FKBP1B: variants seen among roughly 807,000 people sequenced by gnomAD.
The protein encoded by FKBP1B is FKBP prolyl isomerase 1B.
A neutral mutation model predicts 13.5 loss-of-function variants in FKBP1B; 4 were observed. The observed-to-expected ratio is 0.30, with a 90% CI of 0.15 to 0.68. The LOEUF (loss-of-function observed/expected upper bound fraction) is 0.68. FKBP1B is among the 30% of genes least tolerant of loss of function. FKBP1B has a pLI of 0.76. For missense variants in FKBP1B, 93 were observed against 136.2 expected (o/e 0.68, Z 1.58); for synonymous variants, 54 against 53.6 (o/e 1.01, Z -0.03).
At chr2:24,039,063 A>G in the FKBP1B span, 1 of 1,614,106 alleles carries the variant, frequency 6.2e-7, no homozygotes, top group Admixed American at 1.7e-5. Flanking sequence ...GGGAATCATC[A>G]GAGTGAACAT....
intron 2 of FKBP1B, among the ~76,000 whole-genome samples, chr2:24,056,686 G>T (rs924158869): frequency 6.6e-6 from 1 of 151,984 alleles, no homozygotes; most frequent in Non-Finnish European, 1.5e-5. Context: ...AAATTAGGTT[G>T]TCTTTTTCTT....
At chr2:24,055,915 A>G (rs1326613253) in intron 2 of FKBP1B, among the ~76,000 whole-genome samples, 2 of 151,876 alleles carry the variant, frequency 1.3e-5, no homozygotes, top group African/African-American at 4.8e-5. Context: ...GCCAGTTTCC[A>G]CTCTAGGCAG....
intron 1 of FKBP1B, 50 bp from the exon 2 acceptor site, chr2:24,053,852 G>A (rs1159563052): frequency 5.8e-6 from 9 of 1,548,468 alleles, no homozygotes; most frequent in Non-Finnish European, 7.1e-6. Flanking sequence ...AATGTCCCAG[G>A]TGTTTTTCCA....
the FKBP1B span, chr2:24,038,215 A>T: frequency 5.4e-5 from 87 of 1,614,052 alleles, no homozygotes; most frequent in Non-Finnish European, 7.0e-5. Context: ...TTCTCTAACA[A>T]TCAAGCTAAT....
intron 3 of FKBP1B, among the ~76,000 whole-genome samples, chr2:24,061,432 C>T (rs574309703): frequency 1.3e-5 from 2 of 152,136 alleles, no homozygotes; most frequent in Admixed American, 6.5e-5. Flanking sequence ...CCAGCCCAGG[C>T]GATGGAGTGA....
chr2:24,044,817 TA>T (rs747340836), upstream of FKBP1B, among the ~76,000 whole-genome samples: 1,278 of 103,912 alleles, frequency 0.012, 31 homozygotes, highest in East Asian at 0.16. Flanking sequence ...GAATTATCTT[TA>T]AAAAAAAAAA....
At chr2:24,038,734 A>G in the FKBP1B span, 15 of 1,614,116 alleles carry the variant, frequency 9.3e-6, no homozygotes, top group African/African-American at 1.2e-4. Flanking sequence ...TACTTCACCA[A>G]TAACTGGTAA....
chr2:24,040,420 T>G, the FKBP1B span, among the ~76,000 whole-genome samples: 4 of 152,356 alleles, frequency 2.6e-5, no homozygotes, highest in Middle Eastern at 3.4e-3. Flanking sequence ...TATTCGTCCT[T>G]TCACTGCCAA....
upstream of FKBP1B, among the ~76,000 whole-genome samples, chr2:24,048,119 C>T (rs1208036435): frequency 6.6e-6 from 1 of 152,146 alleles, no homozygotes; most frequent in Non-Finnish European, 1.5e-5. Context: ...GCCTATCTTC[C>T]AGTGCCACTC....
chr2:24,037,069 C>T, the FKBP1B span, among the ~76,000 whole-genome samples: 1 of 152,336 alleles, frequency 6.6e-6, no homozygotes, highest in East Asian at 1.9e-4. Context: ...GCCCTGTTGC[C>T]CAGGCTGGAG....
upstream of FKBP1B, among the ~76,000 whole-genome samples, chr2:24,048,553 A>T (rs1663708446): frequency 6.6e-6 from 1 of 151,770 alleles, no homozygotes; most frequent in African/African-American, 2.4e-5. Context: ...TCTAGGCTCA[A>T]GCAATCCTCC....
the FKBP1B span, chr2:24,037,619 T>C: frequency 6.7e-7 from 1 of 1,492,394 alleles, no homozygotes; most frequent in South Asian, 1.3e-5. Flanking sequence ...TTTCTTGCAG[T>C]ACTCACCGGC....
chr2:24,034,224 C>T, the FKBP1B span, among the ~76,000 whole-genome samples: 1 of 152,154 alleles, frequency 6.6e-6, no homozygotes, highest in Non-Finnish European at 1.5e-5. Flanking sequence ...AGTTCGAGAC[C>T]AGCCTGGCCA....
intron 1 of FKBP1B, among the ~76,000 whole-genome samples, chr2:24,051,347 A>C (rs1663860355): frequency 7.5e-6 from 1 of 133,578 alleles, no homozygotes; most frequent in African/African-American, 2.7e-5. Context: ...AAAAAAAAAG[A>C]AAAAAAATGC....
chr2:24,059,351 C>T (rs1019489592), intron 2 of FKBP1B, among the ~76,000 whole-genome samples: 1 of 147,116 alleles, frequency 6.8e-6, no homozygotes, highest in African/African-American at 2.6e-5. Context: ...CTGGGGGAAC[C>T]AGAACTGCTG....
the FKBP1B span, chr2:24,038,719 G>C: frequency 2.5e-6 from 4 of 1,614,042 alleles, no homozygotes; most frequent in East Asian, 4.5e-5. Context: ...TTTATCCATA[G>C]AGCGTACTTC....
At chr2:24,055,838 C>G (rs1226542300) in intron 2 of FKBP1B, among the ~76,000 whole-genome samples, 5 of 152,128 alleles carry the variant, frequency 3.3e-5, no homozygotes, top group African/African-American at 1.2e-4. Context: ...GGGTATATAC[C>G]TGGAAGTGGG....
intron 3 of FKBP1B, among the ~76,000 whole-genome samples, chr2:24,062,661 C>G (rs149207913): frequency 6.6e-6 from 1 of 152,294 alleles, no homozygotes; most frequent in Non-Finnish European, 1.5e-5. Flanking sequence ...GTCTCTAAAC[C>G]ACTTTAAATA....
At chr2:24,045,894 C>T (rs1364758946), upstream of FKBP1B, 1 of 152,052 alleles carries the variant, frequency 6.6e-6, no homozygotes, top group Non-Finnish European at 1.5e-5. Context: ...AGCATGGCCC[C>T]TGCACAGGGA....
Sources: gnomAD v4.1 joint callset for allele counts (sites outside exome capture counted in the v4.1 genomes callset) on GRCh38, gnomAD v4.1.1 for gene constraint, MANE v1.5 for transcripts, NCBI Gene and HGNC (gene_info 2026-07-23, HGNC 2026-07-21) for gene names.